The following CNTNAP2 variants were observed in gnomAD, a reference collection of about 807,000 sequenced individuals.
CNTNAP2 encodes the protein contactin associated protein 2, also known as contactin-associated protein-like 2.
In CNTNAP2, 98 loss-of-function variants were observed where a neutral mutation model predicts 155.2. The ratio of observed to expected loss-of-function variants is 0.63; its 90% CI spans 0.54 to 0.75. The LOEUF is 0.75. Ranked by LOEUF, CNTNAP2 falls within the 30% of genes least tolerant of loss-of-function variation. The pLI, the probability that CNTNAP2 is intolerant of heterozygous loss-of-function variation, is 0.00. For synonymous variants in CNTNAP2, 651 were observed against 631.2 expected (o/e 1.03, Z -0.47); for missense variants, 1,727 against 1,688.1 (o/e 1.02, Z -0.40).
intron 1 of CNTNAP2, among the ~76,000 whole-genome samples, chr7:146,504,778 C>A (rs755621942): frequency 6.6e-6 from 1 of 152,134 alleles, no homozygotes; most frequent in Non-Finnish European, 1.5e-5. Flanking sequence ...CCAGGTAGAG[C>A]GGCCAATCCT....
chr7:147,035,830 T>C (rs1186163878), intron 3 of CNTNAP2, among the ~76,000 whole-genome samples: 2 of 151,248 alleles, frequency 1.3e-5, no homozygotes, highest in East Asian at 3.9e-4. Context: ...ATAAAATAAT[T>C]TGTGTTACAC....
chr7:147,762,816 A>T (rs1797325608), intron 13 of CNTNAP2, among the ~76,000 whole-genome samples: 1 of 151,590 alleles, frequency 6.6e-6, no homozygotes, highest in South Asian at 2.1e-4. Context: ...GAAGGGAAGG[A>T]AAGGAAGAAG....
intron 15 of CNTNAP2, among the ~76,000 whole-genome samples, chr7:148,014,647 C>T (rs2116909858): frequency 6.6e-6 from 1 of 152,354 alleles, no homozygotes; most frequent in East Asian, 1.9e-4. Context: ...GAGTCACCAG[C>T]TGCCCCTTGT....
intron 8 of CNTNAP2, among the ~76,000 whole-genome samples, chr7:147,253,269 A>G (rs563205134): frequency 6.6e-6 from 1 of 152,242 alleles, no homozygotes; most frequent in East Asian, 1.9e-4. Context: ...GGAATCTAAT[A>G]TAGAAAATGA....
intron 15 of CNTNAP2, among the ~76,000 whole-genome samples, chr7:148,068,453 T>C (rs770535226): frequency 6.6e-6 from 1 of 152,198 alleles, no homozygotes; most frequent in Non-Finnish European, 1.5e-5. Context: ...ATTTACATGT[T>C]CCCCAGTGAG....
intron 1 of CNTNAP2, among the ~76,000 whole-genome samples, chr7:146,314,311 A>G (rs540518866): frequency 2.6e-5 from 4 of 152,166 alleles, no homozygotes; most frequent in Non-Finnish European, 5.9e-5. Flanking sequence ...TAGTGGCCCC[A>G]ATACATGGGA....
chr7:147,476,950 GAT>G (rs1798334135), intron 10 of CNTNAP2, among the ~76,000 whole-genome samples: 1 of 143,720 alleles, frequency 7.0e-6, no homozygotes, highest in Non-Finnish European at 1.5e-5. Flanking sequence ...AAAAAAAAAA[GAT>G]ACAGCAGGTT....
intron 13 of CNTNAP2, among the ~76,000 whole-genome samples, chr7:147,685,508 A>T (rs530233356): frequency 5.3e-5 from 8 of 151,972 alleles, no homozygotes; most frequent in Non-Finnish European, 1.2e-4. Context: ...AACAATGGTG[A>T]CTTCATTCAT....
chr7:146,500,715 A>T (rs186330731), intron 1 of CNTNAP2, among the ~76,000 whole-genome samples: 2 of 152,206 alleles, frequency 1.3e-5, no homozygotes, highest in East Asian at 3.9e-4. Flanking sequence ...CTTTGATTTA[A>T]TTTTCTAGAC....
At chr7:147,663,397 A>T (rs1005529321) in intron 13 of CNTNAP2, among the ~76,000 whole-genome samples, 2 of 152,256 alleles carry the variant, frequency 1.3e-5, no homozygotes, top group African/African-American at 4.8e-5. Flanking sequence ...GGTTTAAGGA[A>T]TTGACTGTGA....
intron 17 of CNTNAP2, among the ~76,000 whole-genome samples, chr7:148,162,162 G>A (rs774112127): frequency 6.6e-6 from 1 of 152,206 alleles, no homozygotes; most frequent in Non-Finnish European, 1.5e-5. Context: ...GGAAGCAGGA[G>A]AGGGGGAGGG....
chr7:147,919,459 C>CTTTTTTTTTTTTTTTTTTTTTTTTTT (rs796710849), intron 14 of CNTNAP2, among the ~76,000 whole-genome samples: 1 of 51,228 alleles, frequency 2.0e-5, no homozygotes, highest in African/African-American at 1.1e-4. Context: ...CTTTTTCTTT[C>CTTTTTTTTTTTTTTTTTTTTTTTTTT]TTTTTTTTTT....
intron 1 of CNTNAP2, among the ~76,000 whole-genome samples, chr7:146,572,067 A>G (rs1798449667): frequency 6.6e-6 from 1 of 152,178 alleles, no homozygotes; most frequent in Admixed American, 6.5e-5. Flanking sequence ...TTGGAAAAAT[A>G]TATTCTAGGG....
intron 11 of CNTNAP2, among the ~76,000 whole-genome samples, chr7:147,509,200 T>A (rs1276196955): frequency 1.3e-5 from 2 of 152,214 alleles, no homozygotes; most frequent in Admixed American, 1.3e-4. Flanking sequence ...GGAAACATTG[T>A]ATCATCCCAA....
intron 21 of CNTNAP2, among the ~76,000 whole-genome samples, chr7:148,281,199 G>A (rs568434622): frequency 1.2e-4 from 19 of 152,298 alleles, no homozygotes; most frequent in African/African-American, 4.1e-4. Context: ...AGTTCTTTTA[G>A]AGTCATTATT....
At chr7:148,247,660 TTTA>T (rs869150073) in intron 20 of CNTNAP2, among the ~76,000 whole-genome samples, 3,738 of 147,362 alleles carry the variant, frequency 0.025, 114 homozygotes, top group Non-Finnish European at 0.041. Context: ...TATTTATTTA[TTTA>T]TTTTTTTGGA....
intron 11 of CNTNAP2, among the ~76,000 whole-genome samples, chr7:147,526,514 C>A (rs1379277384): frequency 1.3e-5 from 2 of 152,242 alleles, no homozygotes; most frequent in Admixed American, 1.3e-4. Flanking sequence ...AAAAAATATA[C>A]AATCAACTTG....
chr7:147,163,307 A>G (rs1802062436), intron 8 of CNTNAP2, among the ~76,000 whole-genome samples: 1 of 152,232 alleles, frequency 6.6e-6, no homozygotes, highest in Non-Finnish European at 1.5e-5. Context: ...GGTCTGAAAA[A>G]TTGGAAACCA....
intron 13 of CNTNAP2, among the ~76,000 whole-genome samples, chr7:147,853,005 A>G (rs1015687663): frequency 1.3e-5 from 2 of 152,202 alleles, no homozygotes; most frequent in African/African-American, 2.4e-5. Flanking sequence ...ATTGTACTTC[A>G]TGTGTCACAT....
Sources: gnomAD v4.1 joint callset for allele counts (sites outside exome capture counted in the v4.1 genomes callset) on GRCh38, gnomAD v4.1.1 for gene constraint, MANE v1.5 for transcripts, NCBI Gene and HGNC (gene_info 2026-07-23, HGNC 2026-07-21) for gene names.